SH3GLB2: variants seen among roughly 807,000 people sequenced by gnomAD.
SH3GLB2 encodes SH3 domain containing GRB2 like, endophilin B2.
SH3GLB2 carries 24 observed loss-of-function variants against 48.0 expected under a neutral mutation model. The ratio of observed to expected loss-of-function variants is 0.50; its 90% CI spans 0.36 to 0.70. The LOEUF is 0.70. Ranked by LOEUF, SH3GLB2 falls within the 30% of genes least tolerant of loss-of-function variation. The pLI is 0.00. For missense variants in SH3GLB2, 425 were observed against 516.0 expected, an observed-to-expected ratio of 0.82 and a Z score of 1.71; for synonymous variants, 227 against 207.6, an observed-to-expected ratio of 1.09 and a Z score of -0.80.
chr9:129,010,901 A>C, intron 6 of SH3GLB2: 1 of 606,734 alleles, frequency 1.6e-6, no homozygotes, highest in Non-Finnish European at 3.0e-6. Context: ...TGCCTCATGC[A>C]GGAGGGGAGC....
Position 129,008,784 on chromosome 9 carries a change from G to C in SH3GLB2, c.1088C>G (p.Thr363Ser), listed in dbSNP as rs1447455794. 6.2e-7 allele frequency: 1 copy of C among 1,613,818 alleles called. No individual in the cohort carries two copies. The highest frequency in any genetic ancestry group is 1.3e-5 in the African/African-American group (1 of 74,936). The change falls in exon 11 of 11, where the codon ACT becomes AGT. Residue 363 changes from threonine (T) to serine (S), a missense_variant. Transcript: ENST00000372564. The stretch of plus-strand genomic sequence containing the variant: ...GTCCATGCCAGGCAGGCTGTAGACA[G>C]TGATGAGCTGCAGAGATGGCAGTAG... Reference protein sequence around the residue: ...ELALLADELITVYSLPGMDPD... With the variant: ...ELALLADELISVYSLPGMDPD...
At chr9:129,024,969 CAAA>C (rs1314613758) in intron 1 of SH3GLB2, among the ~76,000 whole-genome samples, 1 of 124,432 alleles carries the variant, frequency 8.0e-6, no homozygotes, top group African/African-American at 2.9e-5. Flanking sequence ...GACTCCATCT[CAAA>C]AAAAAAAAAA....
chr9:129,012,800 G>A (rs1167214122), intron 5 of SH3GLB2: 2 of 599,928 alleles, frequency 3.3e-6, no homozygotes, highest in Non-Finnish European at 5.9e-6. Flanking sequence ...CAGAGTGACA[G>A]GCGTCCAACA....
intron 3 of SH3GLB2, among the ~76,000 whole-genome samples, chr9:129,016,611 T>A (rs1843440476): frequency 6.7e-6 from 1 of 149,396 alleles, no homozygotes. Flanking sequence ...TGAACCAAGA[T>A]CGCACCACTG....
chr9:129,010,256 C>A (rs574940009), intron 7 of SH3GLB2, 47 bp from the exon 8 acceptor site: 2 of 1,533,966 alleles, frequency 1.3e-6, no homozygotes, highest in African/African-American at 1.4e-5. Context: ...CACCCACCAG[C>A]TTCCCCGCAG....
At position 129,014,407 on chromosome 9, in the gene SH3GLB2, C is replaced by A. The variant is rs1588316808; in HGVS notation, c.561+4G>T. On this transcript the variant is annotated splice_donor_region_variant and intron_variant, in intron 5 of 10. Transcript: ENST00000372564. The surrounding 1 kb of genome is among the most constrained non-coding windows in gnomAD (Gnocchi z 4.1). ...GGAGGCCAGCGGGGAGCGGGGACAC[C>A]TACCGTGGCTTTGGCTTCTGCAGCC... is the stretch of plus-strand genomic sequence containing the variant. 6.5e-7 allele frequency: 1 copy of A among 1,549,812 alleles called. No homozygotes were observed. Among genetic ancestry groups the A allele is most frequent in the South Asian group, 1.2e-5 (1 of 83,982 alleles).
Position 129,022,376 on chromosome 9 carries a change from G to C in SH3GLB2, c.111C>G (p.Ala37=), listed in dbSNP as rs1430827255. 2 of 1,614,126 alleles carry C rather than the reference G, an allele frequency of 1.2e-6. No homozygotes were observed. The highest frequency in any genetic ancestry group is 1.7e-6 in the Non-Finnish European group (2 of 1,180,020). ...FGQAEKTELD[A]HFENLLARAD... Reference sequence around the variant, plus strand: ...CCCGGGCCAGAAGGTTTTCAAAGTGGGCATCAAGCTCAGTCTTCTCAGCCT... The same window carrying C: ...CCCGGGCCAGAAGGTTTTCAAAGTGCGCATCAAGCTCAGTCTTCTCAGCCT... Residue 37 remains alanine (A), a synonymous_variant, in exon 2 of 11, where the codon GCC becomes GCG. Transcript: ENST00000372564.
chr9:129,018,346 GGC>G (rs1933537081), intron 3 of SH3GLB2, among the ~76,000 whole-genome samples: 2 of 151,310 alleles, frequency 1.3e-5, no homozygotes, highest in Non-Finnish European at 3.0e-5. Flanking sequence ...GGGAGGCCAA[GGC>G]GGGCGGATCA....
chr9:129,015,877 G>A (rs1843390788), intron 3 of SH3GLB2: 1 of 312,922 alleles, frequency 3.2e-6, no homozygotes. Flanking sequence ...TTAAAAAAAA[G>A]AAAAGAAAAG....
chr9:129,010,110 T>C lies in SH3GLB2; in HGVS notation c.738+10A>G, dbSNP rs3750340. 1 of 1,611,776 alleles carries C rather than the reference T, an allele frequency of 6.2e-7. No homozygotes were observed. Among genetic ancestry groups the C allele is most frequent in the South Asian group, 1.1e-5 (1 of 91,016 alleles). On this transcript the variant is annotated intron_variant, in intron 8 of 10. Coordinates refer to ENST00000372564, the MANE Select transcript of SH3GLB2 (RefSeq NM_020145.4). ...GGTTAGGTTTAGTGAGGGTGGGCAGTGGGACTCACGTGAGTGCTACTGATT... is the reference window on the plus strand; with the variant it reads ...GGTTAGGTTTAGTGAGGGTGGGCAGCGGGACTCACGTGAGTGCTACTGATT...
At chr9:129,024,256 CAAAA>C (rs1169096733) in intron 1 of SH3GLB2, among the ~76,000 whole-genome samples, 1 of 54,520 alleles carries the variant, frequency 1.8e-5, no homozygotes, top group African/African-American at 7.8e-5. Context: ...CTCCTCTCTA[CAAAA>C]AAAAAAAAAA....
chr9:129,013,121 G>A (rs1311196691), intron 5 of SH3GLB2: 5 of 1,391,136 alleles, frequency 3.6e-6, no homozygotes, highest in Non-Finnish European at 5.0e-6. Context: ...CAGTGGGAGG[G>A]GACACCAGGC....
chr9:129,019,569 G>A (rs1039453244), intron 3 of SH3GLB2, among the ~76,000 whole-genome samples: 1 of 151,238 alleles, frequency 6.6e-6, no homozygotes, highest in Non-Finnish European at 1.5e-5. Context: ...AGCTGGGAGT[G>A]GTGGTGGGCG....
chr9:129,019,507 A>G (rs989698974), intron 3 of SH3GLB2, among the ~76,000 whole-genome samples: 1 of 151,842 alleles, frequency 6.6e-6, no homozygotes, highest in African/African-American at 2.4e-5. Flanking sequence ...GGAGATCGAG[A>G]CCTGCCTGGA....
rs1053569061 is a variant in SH3GLB2 at position 129,023,683 on chromosome 9, G to A, written c.64-1260C>T. On this transcript the variant is annotated intron_variant, in intron 1 of 10. Coordinates refer to ENST00000372564, the MANE Select transcript of SH3GLB2 (RefSeq NM_020145.4). ...TGCAGTTGGCTCCAGCTGCGGTGGGGGGTGGCGGGCTGGGCGGCCACCAGG... is the reference window on the plus strand; with the variant it reads ...TGCAGTTGGCTCCAGCTGCGGTGGGAGGTGGCGGGCTGGGCGGCCACCAGG... Among the ~76,000 whole-genome samples the A allele has an allele frequency of 6.6e-5, 10 of 152,162 alleles. No individual in the cohort carries two copies. In the East Asian group the frequency reaches 1.9e-3, roughly 29 times the overall value.
rs117957008 is a variant in SH3GLB2, at chr9:129,026,023, C to T, written c.63+2069G>A. On this transcript the variant is annotated intron_variant, in intron 1 of 10. Coordinates refer to ENST00000372564, the MANE Select transcript of SH3GLB2 (RefSeq NM_020145.4). ...CCACTGGCATCTTGTCCAAATCTGC[C>T]TTAGGTTTTCTTGCCTCGGTGCCCT... is the stretch of plus-strand genomic sequence containing the variant. Among the ~76,000 whole-genome samples the T allele has an allele frequency of 3.1e-3, 466 of 152,182 alleles. 1 individual carries two copies. Among genetic ancestry groups the T allele is most frequent in the Non-Finnish European group, 5.1e-3 (347 of 67,996 alleles).
At chr9:129,016,951 CTT>C (rs766780203) in intron 3 of SH3GLB2, among the ~76,000 whole-genome samples, 51 of 112,384 alleles carry the variant, frequency 4.5e-4, no homozygotes, top group East Asian at 1.2e-3. Flanking sequence ...ATACTCTGCT[CTT>C]TTTTTTTTTT....
At chr9:129,009,527 C>T in intron 9 of SH3GLB2, 181 bp from the exon 10 acceptor site, 2 of 1,548,040 alleles carry the variant, frequency 1.3e-6, no homozygotes, top group Middle Eastern at 2.3e-4. Context: ...ACCCCCTGGT[C>T]CCTGCCATCC....
chr9:129,014,082 G>T lies in SH3GLB2; in HGVS notation c.561+329C>A. ...AGTTAGTAAGAAGGTGCCATGCCCG[G>T]GCAGAGCCGGGGACAGAGCCGAGCA... On this transcript the variant is annotated intron_variant, in intron 5 of 10. Transcript: ENST00000372564. This position sits in a 1 kb window ranked among gnomAD's most constrained non-coding sequence, Gnocchi z 4.1. The T allele has an allele frequency of 1.7e-6, 1 of 573,306 alleles. No homozygotes were observed. Among genetic ancestry groups the T allele is most frequent in the East Asian group, 4.1e-5 (1 of 24,606 alleles). The allele number at this position is 573,306 out of a possible 1,614,324, so 35.5% of individuals were successfully genotyped here. A position where few individuals can be genotyped will look rare whatever the true frequency, so the allele number is the denominator to read the frequency against.
Sources: allele counts gnomAD v4.1 joint callset (sites outside exome capture counted in the v4.1 genomes callset), GRCh38; gene constraint gnomAD v4.1.1; non-coding constraint Gnocchi (gnomAD v3.1); transcripts MANE v1.5; gene names NCBI Gene and HGNC (gene_info 2026-07-23, HGNC 2026-07-21).